TAB3: variants seen among roughly 807,000 people sequenced by gnomAD.
TAB3 encodes TGF-beta activated kinase 1 (MAP3K7) binding protein 3.
In TAB3, 18 loss-of-function variants were observed where a neutral mutation model predicts 48.1. That is an observed-to-expected ratio of 0.37 (90% CI 0.26 to 0.55). TAB3 has a LOEUF of 0.55. Among genes scored for constraint, TAB3 ranks in the 20% least tolerant of loss-of-function variants. The pLI is 0.78. For missense variants in TAB3, 414 were observed against 549.8 expected, an observed-to-expected ratio of 0.75 and a Z score of 2.47; for synonymous variants, 185 against 190.2, an observed-to-expected ratio of 0.97 and a Z score of 0.22.
At chrX:30,887,376 A>T (rs1326561805) in intron 1 of TAB3, among the ~76,000 whole-genome samples, 1 of 112,200 alleles carries the variant, frequency 8.9e-6, no homozygotes, top group Non-Finnish European at 1.9e-5. Flanking sequence ...AAAGAAAAAA[A>T]AACCTTGAGA....
At chrX:30,874,472 G>A (rs1939764769) in intron 1 of TAB3, among the ~76,000 whole-genome samples, 1 of 111,916 alleles carries the variant, frequency 8.9e-6, no homozygotes. Context: ...TAGCATCAGA[G>A]GTTCATTGGA....
intron 4 of TAB3, among the ~76,000 whole-genome samples, chrX:30,862,196 T>C (rs1199900392): frequency 1.8e-5 from 2 of 112,266 alleles, no homozygotes; most frequent in African/African-American, 3.2e-5. Context: ...ATGGTAGGGA[T>C]GACCTTAACT....
At chrX:30,872,669 A>C (rs1247834005) in intron 1 of TAB3, among the ~76,000 whole-genome samples, 1 of 112,567 alleles carries the variant, frequency 8.9e-6, no homozygotes, top group African/African-American at 3.2e-5. Flanking sequence ...GAAGTGACCA[A>C]ATTGAACAAT....
chrX:30,836,353 C>T (rs1240791384), intron 9 of TAB3: 3 of 111,482 alleles, frequency 2.7e-5, no homozygotes, highest in Non-Finnish European at 5.6e-5. Context: ...TAGAAGTGTA[C>T]ATATGTAGAA....
At chrX:30,834,474 T>G (rs1938128955) in intron 9 of TAB3, 1 of 152,938 alleles carries the variant, frequency 6.5e-6, no homozygotes, top group African/African-American at 3.1e-5. Flanking sequence ...AATGTCGATG[T>G]GAAAGCAAAA....
At chrX:30,858,523 ATTTT>A (rs1939145790) in intron 5 of TAB3, among the ~76,000 whole-genome samples, 1 of 111,670 alleles carries the variant, frequency 9.0e-6, no homozygotes, top group Non-Finnish European at 1.9e-5. Context: ...CTGAGTCTCT[ATTTT>A]TAATTAACCA....
intron 1 of TAB3, among the ~76,000 whole-genome samples, chrX:30,880,706 A>G (rs1413915885): frequency 8.9e-6 from 1 of 111,849 alleles, no homozygotes; most frequent in Non-Finnish European, 1.9e-5. Flanking sequence ...AAAGAAGTAC[A>G]TGACACATTT....
chrX:30,847,895 C>A (rs191207993), intron 7 of TAB3, among the ~76,000 whole-genome samples: 3 of 112,003 alleles, frequency 2.7e-5, no homozygotes, highest in African/African-American at 9.7e-5. Context: ...CAAAAAAAGT[C>A]GTTTAGAAAT....
At chrX:30,856,154 C>T (rs543237868) in intron 5 of TAB3, among the ~76,000 whole-genome samples, 5 of 111,470 alleles carry the variant, frequency 4.5e-5, no homozygotes, top group East Asian at 2.8e-4. Context: ...TGAACCATTA[C>T]GTAAGATTTA....
At chrX:30,840,856 A>C (rs1938412209) in intron 9 of TAB3, among the ~76,000 whole-genome samples, 1 of 111,782 alleles carries the variant, frequency 8.9e-6, no homozygotes, top group African/African-American at 3.3e-5. Context: ...TCCAGGGTAA[A>C]AACTTTCCAA....
At chrX:30,840,458 C>A (rs1359126874) in intron 9 of TAB3, among the ~76,000 whole-genome samples, 1 of 111,444 alleles carries the variant, frequency 9.0e-6, no homozygotes, top group Admixed American at 9.6e-5. Context: ...TCCTGAGTAA[C>A]GGCAGTGTCT....
At chrX:30,847,017 AG>A (rs1416206837) in intron 7 of TAB3, among the ~76,000 whole-genome samples, 1 of 111,532 alleles carries the variant, frequency 9.0e-6, no homozygotes, top group African/African-American at 3.3e-5. Flanking sequence ...CCATGATCTT[AG>A]TCTTGTCCAG....
intron 7 of TAB3, among the ~76,000 whole-genome samples, chrX:30,849,972 C>A (rs1308267054): frequency 8.9e-6 from 1 of 112,383 alleles, no homozygotes; most frequent in African/African-American, 3.2e-5. Context: ...ATTGTGTAAA[C>A]TGCTTCACAT....
At chrX:30,884,267 C>T (rs1237033143) in intron 1 of TAB3, among the ~76,000 whole-genome samples, 1 of 111,721 alleles carries the variant, frequency 9.0e-6, no homozygotes, top group Non-Finnish European at 1.9e-5. Context: ...GTAATGATGA[C>T]GACAACGTAA....
chrX:30,834,170 A>G lies in TAB3; in HGVS notation c.1889-18T>C, dbSNP rs1376594228. 2 of 1,184,691 alleles carry G rather than the reference A, an allele frequency of 1.7e-6. No individual in the cohort carries two copies. Among genetic ancestry groups the G allele is most frequent in the Admixed American group, 2.2e-5 (1 of 45,587 alleles). ...TGAGGAGTCTGCATAAAAATAAACA[A>G]CGCCAGAAAGAAGTGATCCAGTCTT... On this transcript the variant is annotated intron_variant, in intron 9 of 10. Transcript: ENST00000288422.
chrX:30,846,853 C>T (rs1231888997), intron 7 of TAB3, among the ~76,000 whole-genome samples: 2 of 111,797 alleles, frequency 1.8e-5, no homozygotes, highest in Non-Finnish European at 3.8e-5. Flanking sequence ...CACATATAAA[C>T]AAAATCTGCA....
intron 7 of TAB3, among the ~76,000 whole-genome samples, chrX:30,851,550 G>A (rs189867906): frequency 3.8e-4 from 43 of 111,992 alleles, no homozygotes; most frequent in African/African-American, 1.3e-3. Context: ...AAAATCTGAT[G>A]AAAGCTATAG....
intron 1 of TAB3, among the ~76,000 whole-genome samples, chrX:30,876,480 C>G (rs1939839398): frequency 9.0e-6 from 1 of 111,674 alleles, no homozygotes; most frequent in African/African-American, 3.3e-5. Context: ...TCAGCAATGA[C>G]CTAGAAATCA....
At position 30,830,502 on chromosome X, in the gene TAB3, G is replaced by A. The variant is rs1015284367; in HGVS notation, c.*925C>T. On this transcript the variant is annotated 3_prime_UTR_variant, in exon 11 of 11. Transcript: ENST00000288422. ...GCAAAAGTTTAAGAACCACAGCTGA[G>A]CTCAAGATTTCCAAATGGATTTTGG... 8.9e-6 allele frequency: 1 copy of A among 112,028 alleles called. No individual in the cohort carries two copies. The allele number at this position is 112,028 out of a possible 1,213,427, so 9.2% of individuals were successfully genotyped here. A position where few individuals can be genotyped will look rare whatever the true frequency, so the allele number is the denominator to read the frequency against.
Sources: gnomAD v4.1 joint callset for allele counts (sites outside exome capture counted in the v4.1 genomes callset) on GRCh38, gnomAD v4.1.1 for gene constraint, MANE v1.5 for transcripts, NCBI Gene and HGNC (gene_info 2026-07-23, HGNC 2026-07-21) for gene names.